The following TADA2A variants were observed in gnomAD, a reference collection of about 807,000 sequenced individuals.
TADA2A encodes transcriptional adaptor 2A.
In TADA2A, 38 loss-of-function variants were observed where a neutral mutation model predicts 67.4. That is an observed-to-expected ratio of 0.56 (90% confidence interval 0.44 to 0.74). The LOEUF (loss-of-function observed/expected upper bound fraction) is 0.74, where lower values mean the gene tolerates loss of function less well. Among genes scored for constraint, TADA2A ranks in the 30% least tolerant of loss-of-function variants. The probability of loss-of-function intolerance (pLI) is 0.00; values close to 1 mark genes in which losing one functional copy is unlikely to be tolerated. For missense variants in TADA2A, 454 were observed against 547.0 expected (o/e 0.83, Z 1.70); for synonymous variants, 192 against 181.6 (o/e 1.06, Z -0.46).
At chr17:37,467,783 A>T (rs1351982409) in intron 12 of TADA2A, among the ~76,000 whole-genome samples, 2 of 152,046 alleles carry the variant, frequency 1.3e-5, no homozygotes, top group African/African-American at 2.4e-5. Flanking sequence ...GAGGCTCTTT[A>T]AAAAAAGGGA....
chr17:37,455,215 T>C (rs1467646582), intron 8 of TADA2A, among the ~76,000 whole-genome samples: 1 of 152,168 alleles, frequency 6.6e-6, no homozygotes, highest in African/African-American at 2.4e-5. Context: ...GAAGAAAGGT[T>C]TAATGTAGCA....
chr17:37,431,773 C>G (rs2052576196), intron 4 of TADA2A, among the ~76,000 whole-genome samples: 2 of 152,050 alleles, frequency 1.3e-5, no homozygotes, highest in South Asian at 4.2e-4. Flanking sequence ...ACCATGTTGT[C>G]CAGGCTGGTC....
intron 14 of TADA2A, among the ~76,000 whole-genome samples, chr17:37,473,538 C>G (rs1000555841): frequency 1.3e-5 from 2 of 152,188 alleles, no homozygotes; most frequent in African/African-American, 4.8e-5. Context: ...GAGCTTGTAA[C>G]AGTCCCTCCC....
chr17:37,447,076 T>C (rs2053103210), intron 8 of TADA2A, among the ~76,000 whole-genome samples: 1 of 152,256 alleles, frequency 6.6e-6, no homozygotes, highest in Non-Finnish European at 1.5e-5. Context: ...TATTAATCTT[T>C]ATACATAGTT....
intron 15 of TADA2A, 146 bp from the exon 16 acceptor site, chr17:37,476,651 C>A: frequency 1.3e-6 from 1 of 740,922 alleles, no homozygotes; most frequent in Non-Finnish European, 2.2e-6. Context: ...GAGGAAGAGA[C>A]TAAATGGAAT....
chr17:37,409,771 AAAAAACAAAAAC>A (rs1023953646), intron 1 of TADA2A, among the ~76,000 whole-genome samples: 1 of 143,308 alleles, frequency 7.0e-6, no homozygotes, highest in Non-Finnish European at 1.6e-5. Flanking sequence ...TAGTCTCAAA[AAAAAACAAAAAC>A]AAAAACAAAA....
intron 5 of TADA2A, among the ~76,000 whole-genome samples, chr17:37,438,672 C>T (rs568502002): frequency 6.6e-6 from 1 of 152,100 alleles, no homozygotes; most frequent in Admixed American, 6.6e-5. Context: ...TTCATTCATT[C>T]AGTATTTATT....
At chr17:37,435,197 A>G (rs2052685747) in intron 4 of TADA2A, among the ~76,000 whole-genome samples, 3 of 152,146 alleles carry the variant, frequency 2.0e-5, no homozygotes, top group Admixed American at 2.0e-4. Flanking sequence ...TTAGGAAATT[A>G]TTTTTCTTGT....
chr17:37,468,393 G>A (rs1314095968), intron 12 of TADA2A, among the ~76,000 whole-genome samples: 1 of 152,152 alleles, frequency 6.6e-6, no homozygotes, highest in African/African-American at 2.4e-5. Context: ...GAGCTAGTTA[G>A]TACTAGAACC....
At chr17:37,423,649 T>C in intron 3 of TADA2A, 34 bp downstream of exon 3, 2 of 1,464,172 alleles carry the variant, frequency 1.4e-6, no homozygotes, top group Non-Finnish European at 1.9e-6. Flanking sequence ...CCTAGCCTAG[T>C]TTTATGCTAT....
intron 3 of TADA2A, chr17:37,426,315 A>G (rs1446034242): frequency 1.3e-5 from 2 of 152,118 alleles, no homozygotes; most frequent in African/African-American, 4.8e-5. Flanking sequence ...AGGGCCACTG[A>G]AAAGCTGTGA....
rs1281816268 is a variant in TADA2A at position 37,416,806 on chromosome 17, A to G, written c.25+5416A>G. On this transcript the variant is annotated intron_variant, in intron 2 of 15. Coordinates refer to ENST00000615182, the MANE Select transcript of TADA2A (RefSeq NM_001166105.3). ...CTTGAACCTGGGAGGCAGAAGTTGC[A>G]GTGAGCCAAGATCGCACCACTACAC... Among the ~76,000 whole-genome samples the G allele has an allele frequency of 2.0e-5, 3 of 151,828 alleles. No homozygotes were observed. In the East Asian group the frequency reaches 5.8e-4, roughly 30 times the overall value.
intron 8 of TADA2A, among the ~76,000 whole-genome samples, chr17:37,447,166 TTTTTA>T (rs1369170082): frequency 6.6e-6 from 1 of 152,170 alleles, no homozygotes; most frequent in Non-Finnish European, 1.5e-5. Flanking sequence ...GTGCTTTTAT[TTTTTA>T]TTTTTTTTGT....
At chr17:37,431,240 T>A (rs145297996) in intron 4 of TADA2A, among the ~76,000 whole-genome samples, 161 of 152,292 alleles carry the variant, frequency 1.1e-3, no homozygotes, top group Non-Finnish European at 1.7e-3. Flanking sequence ...TGCTTAAAAA[T>A]GACCATTTTA....
intron 5 of TADA2A, among the ~76,000 whole-genome samples, chr17:37,438,954 T>A (rs1374007132): frequency 6.6e-6 from 1 of 152,148 alleles, no homozygotes; most frequent in African/African-American, 2.4e-5. Context: ...TTCAGAAAGC[T>A]TATAGTTTAG....
chr17:37,434,145 A>G (rs927439156), intron 4 of TADA2A, among the ~76,000 whole-genome samples: 5 of 152,212 alleles, frequency 3.3e-5, no homozygotes, highest in Admixed American at 1.3e-4. Context: ...TTCCTTGTTC[A>G]TGACCTTGAC....
chr17:37,456,279 C>T (rs900499957), intron 8 of TADA2A, among the ~76,000 whole-genome samples: 7 of 152,268 alleles, frequency 4.6e-5, no homozygotes, highest in East Asian at 1.9e-4. Flanking sequence ...TTGAACTGTA[C>T]GTGGATGGGA....
At chr17:37,460,082 C>CT (rs747329216) in intron 9 of TADA2A, among the ~76,000 whole-genome samples, 1,745 of 136,734 alleles carry the variant, frequency 0.013, 23 homozygotes, top group African/African-American at 0.035. Context: ...GAAAAAAAAC[C>CT]TTTTTTTTTT....
chr17:37,446,824 G>T, intron 8 of TADA2A, among the ~76,000 whole-genome samples: 1 of 152,072 alleles, frequency 6.6e-6, no homozygotes, highest in East Asian at 1.9e-4. Context: ...GTAATGGTCG[G>T]TGTTTAATTT....
Sources: allele counts gnomAD v4.1 joint callset (sites outside exome capture counted in the v4.1 genomes callset), GRCh38; gene constraint gnomAD v4.1.1; transcripts MANE v1.5; gene names NCBI Gene and HGNC (gene_info 2026-07-23, HGNC 2026-07-21).